The following ZDHHC21 variants were observed in gnomAD, a reference collection of about 807,000 sequenced individuals.
ZDHHC21 encodes the protein zDHHC palmitoyltransferase 21.
ZDHHC21 carries 15 observed loss-of-function variants against 34.6 expected under a neutral mutation model. That is an observed-to-expected ratio of 0.43 (90% CI 0.29 to 0.67). The LOEUF (loss-of-function observed/expected upper bound fraction) is 0.67. Among genes scored for constraint, ZDHHC21 ranks in the 30% least tolerant of loss-of-function variants. The pLI is 0.14. For synonymous variants in ZDHHC21, 142 were observed against 101.8 expected (o/e 1.40, Z -2.38); for missense variants, 344 against 327.7 (o/e 1.05, Z -0.38).
At chr9:14,636,437 A>AT (rs1054145218) in intron 8 of ZDHHC21, among the ~76,000 whole-genome samples, 2 of 152,218 alleles carry the variant, frequency 1.3e-5, no homozygotes, top group African/African-American at 2.4e-5. Context: ...AAAGGGAAAG[A>AT]TAGACTCTAA....
At chr9:14,627,429 G>T (rs528346600) in intron 8 of ZDHHC21, among the ~76,000 whole-genome samples, 1 of 152,200 alleles carries the variant, frequency 6.6e-6, no homozygotes, top group South Asian at 2.1e-4. Flanking sequence ...GCTATCTTCA[G>T]CAATTCAAAT....
rs1436538439 is a variant in ZDHHC21 at position 14,668,360 on chromosome 9, A to ACC, written c.253+4469_253+4470insGG. On this transcript the variant is annotated intron_variant, in intron 5 of 9. Coordinates refer to ENST00000380916, the MANE Select transcript of ZDHHC21 (RefSeq NM_178566.6). Reference sequence around the variant, plus strand: ...CTCAAGGAAATAAAAGAGGATACAAACAAATGGAAGAACATTCCATGCTCA... The same window carrying ACC: ...CTCAAGGAAATAAAAGAGGATACAAACCCAAATGGAAGAACATTCCATGCTCA... Among the ~76,000 whole-genome samples the ACC allele has an allele frequency of 3.6e-3, 317 of 87,176 alleles. 5 individuals are homozygous for ACC. The highest frequency in any genetic ancestry group is 0.014 in the African/African-American group (303 of 21,548). The allele number at this position is 87,176 out of a possible 152,430, so 57.2% of individuals were successfully genotyped here. A position where few individuals can be genotyped will look rare whatever the true frequency, so the allele number is the denominator to read the frequency against.
chr9:14,662,919 G>T (rs1833667478), intron 5 of ZDHHC21, among the ~76,000 whole-genome samples: 1 of 152,026 alleles, frequency 6.6e-6, no homozygotes, highest in African/African-American at 2.4e-5. Flanking sequence ...GGGTTTGGGA[G>T]GTATCAGAAT....
intron 7 of ZDHHC21, 120 bp downstream of exon 7, chr9:14,658,629 G>A (rs1038325477): frequency 2.3e-5 from 17 of 731,830 alleles, no homozygotes; most frequent in South Asian, 8.0e-5. Context: ...CCGCCACCTC[G>A]CCCGGCTAAT....
In ZDHHC21 at chr9:14,693,423, A is replaced by C. The variant is rs1267937632; in HGVS notation, c.-419T>G. ...CGCATGCCCGCGCGCCCGCGTGGGG[A>C]GGGACGACTGCCGCCGTCGCCGTCT... On this transcript the variant is annotated 5_prime_UTR_variant, in exon 1 of 10. Coordinates refer to ENST00000380916, the MANE Select transcript of ZDHHC21 (RefSeq NM_178566.6). 7.1e-6 allele frequency: 2 copies of C among 280,404 alleles called. No individual in the cohort carries two copies. The highest frequency in any genetic ancestry group is 4.8e-5 in the African/African-American group (2 of 42,098). The allele number at this position is 280,404 out of a possible 1,614,324, so 17.4% of individuals were successfully genotyped here. A position where few individuals can be genotyped will look rare whatever the true frequency, so the allele number is the denominator to read the frequency against.
the ZDHHC21 span, among the ~76,000 whole-genome samples, chr9:14,593,366 C>G: frequency 6.6e-6 from 1 of 152,284 alleles, no homozygotes; most frequent in African/African-American, 2.4e-5. Context: ...TTATGAACAA[C>G]TTTATGTCAA....
At chr9:14,650,178 T>C (rs948161396) in intron 7 of ZDHHC21, among the ~76,000 whole-genome samples, 3 of 151,854 alleles carry the variant, frequency 2.0e-5, no homozygotes, top group Admixed American at 2.0e-4. Flanking sequence ...TACTGACAAA[T>C]GGAATTGGCA....
At chr9:14,591,314 C>T in the ZDHHC21 span, among the ~76,000 whole-genome samples, 1 of 152,014 alleles carries the variant, frequency 6.6e-6, no homozygotes, top group African/African-American at 2.4e-5. Flanking sequence ...AGGGATCTGT[C>T]CTCATGAACA....
At chr9:14,677,700 A>C (rs1490728603) in intron 3 of ZDHHC21, among the ~76,000 whole-genome samples, 1 of 152,094 alleles carries the variant, frequency 6.6e-6, no homozygotes, top group East Asian at 1.9e-4. Context: ...ACAGTGACTA[A>C]ATGATGTAAA....
At chr9:14,630,713 T>C (rs1382824036) in intron 8 of ZDHHC21, among the ~76,000 whole-genome samples, 2 of 152,190 alleles carry the variant, frequency 1.3e-5, no homozygotes, top group East Asian at 3.8e-4. Context: ...ATGGCATGCA[T>C]AAGGGGTGTA....
intron 8 of ZDHHC21, among the ~76,000 whole-genome samples, chr9:14,621,681 A>C: frequency 6.6e-6 from 1 of 152,228 alleles, no homozygotes; most frequent in South Asian, 2.1e-4. Context: ...TTTGTATTTT[A>C]GCAACCAAAC....
In ZDHHC21 at chr9:14,616,980, A is replaced by T. The variant is rs181293758; in HGVS notation, c.*1986T>A. ...GCCCAGTACCCACTGCTACTACATGAAGTATAAATTAGCCACAAAGTTCTT... is the reference window on the plus strand; with the variant it reads ...GCCCAGTACCCACTGCTACTACATGTAGTATAAATTAGCCACAAAGTTCTT... On this transcript the variant is annotated 3_prime_UTR_variant, in exon 10 of 10. Coordinates refer to ENST00000380916, the MANE Select transcript of ZDHHC21 (RefSeq NM_178566.6). The T allele has an allele frequency of 4.6e-5, 7 of 152,044 alleles. No homozygotes were observed. The highest frequency in any genetic ancestry group is 1.4e-4 in the African/African-American group (6 of 41,542). 9.4% of individuals were successfully genotyped at this position (152,044 alleles called of 1,614,324 possible).
chr9:14,595,282 A>G, the ZDHHC21 span, among the ~76,000 whole-genome samples: 5 of 152,316 alleles, frequency 3.3e-5, no homozygotes. Flanking sequence ...TGACAAATGG[A>G]TAAGCAAAAT....
intron 6 of ZDHHC21, among the ~76,000 whole-genome samples, chr9:14,660,713 A>G (rs1185459429): frequency 6.6e-6 from 1 of 152,194 alleles, no homozygotes; most frequent in Admixed American, 6.5e-5. Context: ...CAAGAGGCCC[A>G]GAAAGAGAAA....
intron 4 of ZDHHC21, among the ~76,000 whole-genome samples, chr9:14,673,770 C>T (rs1239382190): frequency 6.6e-6 from 1 of 151,970 alleles, no homozygotes; most frequent in African/African-American, 2.4e-5. Flanking sequence ...TCCAGAAGTT[C>T]CAAGTGTTAT....
intron 8 of ZDHHC21, among the ~76,000 whole-genome samples, chr9:14,624,270 C>G (rs191003367): frequency 7.2e-4 from 110 of 152,142 alleles, no homozygotes; most frequent in African/African-American, 2.5e-3. Flanking sequence ...GAACAGGAGC[C>G]TCAATGGATT....
intron 5 of ZDHHC21, among the ~76,000 whole-genome samples, chr9:14,672,156 A>T (rs1473855313): frequency 6.6e-6 from 1 of 152,120 alleles, no homozygotes; most frequent in Non-Finnish European, 1.5e-5. Context: ...AATTCAATAA[A>T]AAAATAGTTA....
chr9:14,660,708 G>A (rs1477995129), intron 6 of ZDHHC21, among the ~76,000 whole-genome samples: 1 of 152,028 alleles, frequency 6.6e-6, no homozygotes, highest in Non-Finnish European at 1.5e-5. Flanking sequence ...GGAAGCAAGA[G>A]GCCCAGAAAG....
chr9:14,604,553 T>C, the ZDHHC21 span, among the ~76,000 whole-genome samples: 1 of 152,190 alleles, frequency 6.6e-6, no homozygotes, highest in African/African-American at 2.4e-5. Flanking sequence ...GACTTAGATG[T>C]ATCTGTAACA....
Sources: gnomAD v4.1 joint callset for allele counts (sites outside exome capture counted in the v4.1 genomes callset) on GRCh38, gnomAD v4.1.1 for gene constraint, MANE v1.5 for transcripts, NCBI Gene and HGNC (gene_info 2026-07-23, HGNC 2026-07-21) for gene names.